The following GGA2 variants were observed in gnomAD, a reference collection of about 807,000 sequenced individuals.
The protein encoded by GGA2 is ADP-ribosylation factor-binding protein GGA2.
Under a neutral mutation model 79.5 loss-of-function variants are expected in GGA2, and 48 were observed. The observed-to-expected ratio is 0.60, with a 90% CI of 0.48 to 0.77. GGA2 has a LOEUF of 0.77. Ranked by LOEUF, GGA2 falls within the 30% of genes least tolerant of loss-of-function variation. The pLI is 0.00. For missense variants in GGA2, 770 were observed against 774.0 expected (o/e 0.99, Z 0.06); for synonymous variants, 317 against 302.0 (o/e 1.05, Z -0.51).
At chr16:23,473,356 T>TTTTTTGAA (rs1555498980) in intron 14 of GGA2, among the ~76,000 whole-genome samples, 1 of 140,472 alleles carries the variant, frequency 7.1e-6, no homozygotes, top group Non-Finnish European at 1.5e-5. Flanking sequence ...TTTTTTTTTT[T>TTTTTTGAA]AGACAGAGTC....
At chr16:23,503,482 T>G (rs1248182025) in intron 1 of GGA2, among the ~76,000 whole-genome samples, 1 of 152,196 alleles carries the variant, frequency 6.6e-6, no homozygotes, top group African/African-American at 2.4e-5. Flanking sequence ...ATATTATATC[T>G]TATATTTGAT....
Position 23,515,556 on chromosome 16 carries a change from CA to C in GGA2, c.61+4030del, listed in dbSNP as rs1380061668. Among the ~76,000 whole-genome samples, 3 of 131,636 alleles carry C rather than the reference CA, an allele frequency of 2.3e-5. No homozygotes were observed. In the East Asian group the frequency reaches 6.4e-4, roughly 28 times the overall value. 86.4% of individuals were successfully genotyped at this position (131,636 alleles called of 152,430 possible). On this transcript the variant is annotated intron_variant, in intron 2 of 5. Transcript: ENST00000569300. ...AGGCTTCAGTGAGCTGAGATTGCAC[CA>C]CTGCACTCCAGCCTGCAAAAAAAAA...
chr16:23,481,331 C>T (rs1008245681), intron 9 of GGA2, among the ~76,000 whole-genome samples: 1 of 152,080 alleles, frequency 6.6e-6, no homozygotes, highest in African/African-American at 2.4e-5. Flanking sequence ...TGAGATCGCA[C>T]CATTGCACTC....
At chr16:23,474,690 G>C (rs544453635) in intron 14 of GGA2, among the ~76,000 whole-genome samples, 4 of 151,826 alleles carry the variant, frequency 2.6e-5, no homozygotes, top group Admixed American at 6.6e-5. Context: ...GGCCTCAAGT[G>C]ATCCTCCCAC....
chr16:23,524,216 T>C (rs886051830), upstream of GGA2: 8 of 704,390 alleles, frequency 1.1e-5, no homozygotes, highest in Admixed American at 4.6e-5. Flanking sequence ...CTGTGGTGGA[T>C]CACAAATGCA....
rs1258862440 is a variant in GGA2 at position 23,466,519 on chromosome 16, G to A, written c.*1071C>T. On this transcript the variant is annotated 3_prime_UTR_variant, in exon 17 of 17. Coordinates refer to ENST00000309859, the MANE Select transcript of GGA2 (RefSeq NM_015044.4). ...TTCCTTTACTTCTCGACAGAAGACA[G>A]TTCCCTTTAGGCCTATCATCTCTAA... The A allele has an allele frequency of 1.3e-5, 2 of 152,170 alleles. No homozygotes were observed. Among genetic ancestry groups the A allele is most frequent in the Non-Finnish European group, 2.9e-5 (2 of 68,030 alleles). 9.4% of individuals were successfully genotyped at this position (152,170 alleles called of 1,614,324 possible). A position where few individuals can be genotyped will look rare whatever the true frequency, so the allele number is the denominator to read the frequency against.
intron 6 of GGA2, among the ~76,000 whole-genome samples, chr16:23,487,915 C>T (rs1964735480): frequency 6.6e-6 from 1 of 152,028 alleles, no homozygotes; most frequent in African/African-American, 2.4e-5. Flanking sequence ...TGAACTAGAC[C>T]TTGTGACTGA....
chr16:23,496,944 G>C (rs1365245539), intron 1 of GGA2, among the ~76,000 whole-genome samples: 4 of 145,654 alleles, frequency 2.7e-5, no homozygotes, highest in African/African-American at 1.0e-4. Context: ...GCAACAGAGC[G>C]AGACTCCATC....
chr16:23,493,408 C>T lies in GGA2; in HGVS notation c.303G>A (p.Val101=). ...NHCGEKFHSE[V]AKFRFLNELI... ...GTTCGTTCAGGAAACGAAATTTGGC[C>T]ACCTCGCTGTGGAACTTCTCCCCAC... is the stretch of plus-strand genomic sequence containing the variant. Residue 101 remains valine, a synonymous_variant, in exon 4 of 17, where the codon GTG becomes GTA. Coordinates refer to ENST00000309859, the MANE Select transcript of GGA2 (RefSeq NM_015044.4). 6.2e-7 allele frequency: 1 copy of T among 1,613,200 alleles called. No homozygotes were observed. The highest frequency in any genetic ancestry group is 8.5e-7 in the Non-Finnish European group (1 of 1,179,182).
chr16:23,485,139 C>A (rs1484741010), intron 8 of GGA2, among the ~76,000 whole-genome samples: 1 of 152,168 alleles, frequency 6.6e-6, no homozygotes, highest in Non-Finnish European at 1.5e-5. Context: ...CACGAAAGCC[C>A]ACGTATTGTG....
intron 6 of GGA2, among the ~76,000 whole-genome samples, chr16:23,487,596 A>G (rs1228910252): frequency 6.6e-6 from 1 of 152,104 alleles, no homozygotes; most frequent in Non-Finnish European, 1.5e-5. Context: ...GAAGTCACTC[A>G]ATCTTTGTGG....
chr16:23,472,336 G>A (rs1964521810), intron 14 of GGA2, among the ~76,000 whole-genome samples: 1 of 151,592 alleles, frequency 6.6e-6, no homozygotes, highest in African/African-American at 2.4e-5. Flanking sequence ...TGGGACTACA[G>A]GCGCCCACCA....
intron 11 of GGA2, 149 bp downstream of exon 11, chr16:23,479,616 C>T: frequency 1.2e-6 from 1 of 868,324 alleles, no homozygotes; most frequent in Admixed American, 2.4e-5. Flanking sequence ...CAGCAGCAAG[C>T]ACGTGCTCCC....
rs1479436469 is a variant in GGA2, at chr16:23,464,564, A to G, written c.*3026T>C. The G allele has an allele frequency of 2.0e-5, 3 of 152,164 alleles. No individual in the cohort carries two copies. Among genetic ancestry groups the G allele is most frequent in the African/African-American group, 7.2e-5 (3 of 41,436 alleles). 9.4% of individuals were successfully genotyped at this position (152,164 alleles called of 1,614,324 possible). A position where few individuals can be genotyped will look rare whatever the true frequency, so the allele number is the denominator to read the frequency against. On this transcript the variant is annotated 3_prime_UTR_variant, in exon 17 of 17. Coordinates refer to ENST00000309859, the MANE Select transcript of GGA2 (RefSeq NM_015044.4). ...ACAGAGGCATTGTCCCAAAAAAAAA[A>G]AAGCCCAAATCAGAGCAGTGGCAAT... is the stretch of plus-strand genomic sequence containing the variant.
intron 14 of GGA2, among the ~76,000 whole-genome samples, chr16:23,474,032 G>C (rs6497664): frequency 0.71 from 108,428 of 152,030 alleles, 39,762 homozygotes; most frequent in Middle Eastern, 0.81. Context: ...GTTGTGTCCT[G>C]CTCTGCATAC....
Position 23,486,764 on chromosome 16 carries a change from G to A in GGA2, c.606C>T (p.Asn202=). 1.2e-6 allele frequency: 2 copies of A among 1,611,852 alleles called. No homozygotes were observed. The highest frequency in any genetic ancestry group is 2.2e-5 in the South Asian group (2 of 91,018). The change falls in exon 7 of 17, where the codon AAC becomes AAT. Residue 202 remains asparagine (N), a synonymous_variant. Transcript: ENST00000309859. ...TTGCAGCCTGAAGGTCCTCGGGGTGGTTGCTCTTTAGAAGCCTTGTCAGAA... is the reference window on the plus strand; with the variant it reads ...TTGCAGCCTGAAGGTCCTCGGGGTGATTGCTCTTTAGAAGCCTTGTCAGAA... ...SKLLTRLLKS[N]HPEDLQAANR...
At chr16:23,516,543 T>C (rs898664119) in intron 2 of GGA2, among the ~76,000 whole-genome samples, 1 of 152,170 alleles carries the variant, frequency 6.6e-6, no homozygotes, top group African/African-American at 2.4e-5. Flanking sequence ...CTCCTTGGCA[T>C]AGTTGCCAGA....
At chr16:23,496,302 C>CAA (rs754859869) in intron 1 of GGA2, among the ~76,000 whole-genome samples, 575 of 34,988 alleles carry the variant, frequency 0.016, 15 homozygotes, top group African/African-American at 0.046. Context: ...GACTCTGTCT[C>CAA]AAAAAAAAAA....
intron 16 of GGA2, among the ~76,000 whole-genome samples, chr16:23,468,005 A>C (rs1164435654): frequency 6.6e-6 from 1 of 152,156 alleles, no homozygotes; most frequent in Admixed American, 6.6e-5. Flanking sequence ...CAGCTATGAC[A>C]ATCCATCTGA....
Sources: gnomAD v4.1 joint callset for allele counts (sites outside exome capture counted in the v4.1 genomes callset) on GRCh38, gnomAD v4.1.1 for gene constraint, MANE v1.5 for transcripts, NCBI Gene and HGNC (gene_info 2026-07-23, HGNC 2026-07-21) for gene names.